CNTN4: variants seen among roughly 807,000 people sequenced by gnomAD.
The protein encoded by CNTN4 is contactin 4.
CNTN4 carries 77 observed loss-of-function variants against 122.5 expected under a neutral mutation model. The ratio of observed to expected loss-of-function variants is 0.63; its 90% CI spans 0.52 to 0.76. CNTN4 has a LOEUF of 0.76. CNTN4 is among the 30% of genes least tolerant of loss of function. The pLI, the probability that CNTN4 is intolerant of heterozygous loss-of-function variation, is 0.00. For synonymous variants in CNTN4, 512 were observed against 447.0 expected (o/e 1.15, Z -1.83); for missense variants, 1,256 against 1,259.1 (o/e 1.00, Z 0.04).
intron 4 of CNTN4, among the ~76,000 whole-genome samples, chr3:2,677,091 A>T (rs145485268): frequency 1.3e-5 from 2 of 151,846 alleles, no homozygotes; most frequent in Non-Finnish European, 2.9e-5. Context: ...ACTGGATTCT[A>T]TTCTCTCTCT....
intron 4 of CNTN4, among the ~76,000 whole-genome samples, chr3:2,613,319 C>T (rs1201912848): frequency 6.6e-6 from 1 of 152,054 alleles, no homozygotes; most frequent in Non-Finnish European, 1.5e-5. Flanking sequence ...AAACCAATTC[C>T]TGGCAAGGAA....
chr3:2,790,044 A>C (rs1323568717), intron 6 of CNTN4, among the ~76,000 whole-genome samples: 1 of 152,212 alleles, frequency 6.6e-6, no homozygotes, highest in Non-Finnish European at 1.5e-5. Context: ...CATTTACCAC[A>C]TGCCACGTTA....
chr3:2,946,898 G>T lies in CNTN4; in HGVS notation c.1358+21119G>T, dbSNP rs2094685022. Reference sequence around the variant, plus strand: ...TTTCTTAACGTTTTGTAGCAGTGGGGTCTCCCTTTGTTGCCCAGGCTGGTC... The same window carrying T: ...TTTCTTAACGTTTTGTAGCAGTGGGTTCTCCCTTTGTTGCCCAGGCTGGTC... On this transcript the variant is annotated intron_variant, in intron 13 of 24. Coordinates refer to ENST00000418658, the MANE Select transcript of CNTN4 (RefSeq NM_175607.3). Among the ~76,000 whole-genome samples the T allele has an allele frequency of 2.0e-5, 3 of 151,876 alleles. No individual in the cohort carries two copies. The South Asian group carries it at 6.2e-4, about 32-fold the overall frequency.
chr3:2,919,663 GTA>G (rs1450326551), intron 12 of CNTN4, among the ~76,000 whole-genome samples: 1 of 152,164 alleles, frequency 6.6e-6, no homozygotes, highest in African/African-American at 2.4e-5. Context: ...ACTTGAGTTT[GTA>G]TAAGAGTTTA....
At chr3:3,021,834 C>T (rs954366590) in intron 14 of CNTN4, among the ~76,000 whole-genome samples, 5 of 152,168 alleles carry the variant, frequency 3.3e-5, no homozygotes, top group Non-Finnish European at 7.4e-5. Context: ...AATCCCAGCA[C>T]TTTGGGAGGC....
chr3:2,773,391 T>C (rs1049254297), intron 6 of CNTN4, among the ~76,000 whole-genome samples: 2 of 152,202 alleles, frequency 1.3e-5, no homozygotes, highest in South Asian at 2.1e-4. Flanking sequence ...TTCAATGATA[T>C]ATTAACTTAT....
intron 4 of CNTN4, among the ~76,000 whole-genome samples, chr3:2,594,554 G>C (rs1234560046): frequency 6.6e-6 from 1 of 151,744 alleles, no homozygotes; most frequent in African/African-American, 2.4e-5. Context: ...GAGTAGCTGG[G>C]TTTACAGGCA....
At chr3:2,497,917 C>G (rs2076495744) in intron 3 of CNTN4, among the ~76,000 whole-genome samples, 1 of 151,870 alleles carries the variant, frequency 6.6e-6, no homozygotes, top group South Asian at 2.1e-4. Flanking sequence ...TGAGTGAATC[C>G]TCTCAGTTAT....
intron 3 of CNTN4, among the ~76,000 whole-genome samples, chr3:2,435,543 T>C (rs570969391): frequency 2.0e-5 from 3 of 152,280 alleles, no homozygotes; most frequent in African/African-American, 7.2e-5. Flanking sequence ...GTATACAATC[T>C]GTAATAGTGA....
In CNTN4 at chr3:2,994,667, T is replaced by C. The variant is rs962760279; in HGVS notation, c.1486+6195T>C. ...CCAAAGAGTATCTACAGCATTACTA[T>C]TGCGCACTATATAAAATTCTTCTGT... On this transcript the variant is annotated intron_variant, in intron 14 of 24. Coordinates refer to ENST00000418658, the MANE Select transcript of CNTN4 (RefSeq NM_175607.3). Among the ~76,000 whole-genome samples the C allele has an allele frequency of 3.3e-5, 5 of 151,742 alleles. No homozygotes were observed. In the South Asian group the frequency reaches 8.3e-4, roughly 25 times the overall value.
intron 3 of CNTN4, among the ~76,000 whole-genome samples, chr3:2,456,730 A>T (rs2049016754): frequency 1.3e-5 from 2 of 152,096 alleles, no homozygotes; most frequent in African/African-American, 4.8e-5. Flanking sequence ...ATAATATTCC[A>T]CTGTGTATAT....
At chr3:2,407,915 C>T (rs749789464) in intron 3 of CNTN4, among the ~76,000 whole-genome samples, 6 of 152,116 alleles carry the variant, frequency 3.9e-5, no homozygotes, top group Admixed American at 6.5e-5. Flanking sequence ...TAATAATACA[C>T]GTATGTACAT....
chr3:2,582,990 T>A (rs1206816071), intron 4 of CNTN4, among the ~76,000 whole-genome samples: 1 of 150,756 alleles, frequency 6.6e-6, no homozygotes, highest in East Asian at 1.9e-4. Context: ...AATGCAGCAA[T>A]ATATATGTTG....
intron 2 of CNTN4, among the ~76,000 whole-genome samples, chr3:2,200,041 T>C (rs2038024669): frequency 6.6e-6 from 1 of 152,170 alleles, no homozygotes; most frequent in African/African-American, 2.4e-5. Context: ...TTGGAGACTT[T>C]AAGCTGCACA....
intron 2 of CNTN4, among the ~76,000 whole-genome samples, chr3:2,323,315 A>G (rs1436091335): frequency 6.6e-6 from 1 of 152,060 alleles, no homozygotes; most frequent in Admixed American, 6.6e-5. Context: ...CACACAGGAG[A>G]GGGCAAGTGA....
chr3:2,882,865 TAAGA>T, intron 8 of CNTN4: 2 of 358,498 alleles, frequency 5.6e-6, no homozygotes, highest in Non-Finnish European at 5.3e-6. Context: ...TTTTTTTCCT[TAAGA>T]CTACCTTAAA....
At chr3:2,348,551 C>T (rs1420338880) in intron 3 of CNTN4, among the ~76,000 whole-genome samples, 3 of 152,156 alleles carry the variant, frequency 2.0e-5, no homozygotes, top group African/African-American at 7.2e-5. Context: ...TTCCTCTGTT[C>T]CTTTATCAGA....
At chr3:2,266,316 T>C (rs1428694153) in intron 2 of CNTN4, among the ~76,000 whole-genome samples, 7 of 152,122 alleles carry the variant, frequency 4.6e-5, no homozygotes, top group Admixed American at 2.0e-4. Context: ...GTTTTTCTTA[T>C]AGTGACTTCT....
chr3:2,892,354 C>G (rs1001883298), intron 10 of CNTN4: 1 of 152,114 alleles, frequency 6.6e-6, no homozygotes, highest in Admixed American at 6.5e-5. Context: ...TGAGAATGCT[C>G]TATGTTTAGG....
Sources: allele counts gnomAD v4.1 joint callset (sites outside exome capture counted in the v4.1 genomes callset), GRCh38; gene constraint gnomAD v4.1.1; transcripts MANE v1.5; gene names NCBI Gene and HGNC (gene_info 2026-07-23, HGNC 2026-07-21).